The following RAB3GAP1 variants were observed in gnomAD, a reference collection of about 807,000 sequenced individuals.
The protein encoded by RAB3GAP1 is rab3 GTPase-activating protein catalytic subunit.
RAB3GAP1 carries 86 observed loss-of-function variants against 130.7 expected under a neutral mutation model. That is an observed-to-expected ratio of 0.66 (90% CI 0.55 to 0.79). The LOEUF (loss-of-function observed/expected upper bound fraction) is 0.79, where lower values mean the gene tolerates loss of function less well. Among genes scored for constraint, RAB3GAP1 ranks in the 30% least tolerant of loss-of-function variants. RAB3GAP1 has a pLI of 0.00. For missense variants in RAB3GAP1, 1,029 were observed against 1,169.4 expected (o/e 0.88, Z 1.75); for synonymous variants, 367 against 401.7 (o/e 0.91, Z 1.03).
At chr2:135,059,332 C>T (rs1024695514) in intron 3 of RAB3GAP1, among the ~76,000 whole-genome samples, 3 of 151,876 alleles carry the variant, frequency 2.0e-5, no homozygotes, top group Non-Finnish European at 2.9e-5. Context: ...AGAGCTAAAC[C>T]GGGTACTTAT....
rs559031602 is a variant in RAB3GAP1 at position 135,078,306 on chromosome 2, A to G, written c.151-12692A>G. Among the ~76,000 whole-genome samples the G allele has an allele frequency of 5.9e-5, 9 of 152,286 alleles. No homozygotes were observed. The South Asian group carries it at 1.9e-3, about 32-fold the overall frequency. ...GTAGAAAGGGTCTCTTGACCTTACT[A>G]TGATAAATTTATAATTCTCTATTTT... On this transcript the variant is annotated intron_variant, in intron 3 of 23. Transcript: ENST00000264158.
At chr2:135,126,337 TTTA>T (rs1691347797) in intron 10 of RAB3GAP1, 88 bp downstream of exon 10, 1 of 1,107,896 alleles carries the variant, frequency 9.0e-7, no homozygotes, top group South Asian at 1.4e-5. Flanking sequence ...ATATGCATTT[TTTA>T]TTATTTTGTT....
intron 3 of RAB3GAP1, among the ~76,000 whole-genome samples, chr2:135,080,000 C>T (rs1689744780): frequency 6.6e-6 from 1 of 151,862 alleles, no homozygotes; most frequent in South Asian, 2.1e-4. Context: ...GCCTGTAGTC[C>T]CAGCTACTCG....
intron 7 of RAB3GAP1, 113 bp from the exon 8 acceptor site, chr2:135,120,706 A>G: frequency 2.5e-6 from 2 of 808,312 alleles, no homozygotes; most frequent in Non-Finnish European, 4.4e-6. Flanking sequence ...CTGAAAATCC[A>G]GGTTTCATAA....
intron 5 of RAB3GAP1, among the ~76,000 whole-genome samples, chr2:135,110,279 G>A (rs375514161): frequency 3.3e-5 from 5 of 151,882 alleles, no homozygotes; most frequent in South Asian, 2.1e-4. Flanking sequence ...GACTACAGGC[G>A]CTCTCCACCA....
intron 17 of RAB3GAP1, among the ~76,000 whole-genome samples, chr2:135,138,729 C>T (rs1691752208): frequency 1.3e-5 from 2 of 151,836 alleles, no homozygotes; most frequent in South Asian, 2.1e-4. Context: ...TGACCTTAGC[C>T]TCCTAGGTAG....
intron 5 of RAB3GAP1, among the ~76,000 whole-genome samples, chr2:135,097,301 G>T (rs1177907053): frequency 6.6e-6 from 1 of 150,510 alleles, no homozygotes; most frequent in East Asian, 1.9e-4. Context: ...CTGTAGCCTT[G>T]AACTCCTGGG....
chr2:135,175,174 C>T (rs1692974227), downstream of RAB3GAP1, among the ~76,000 whole-genome samples: 1 of 152,208 alleles, frequency 6.6e-6, no homozygotes, highest in Non-Finnish European at 1.5e-5. Flanking sequence ...CTCCCTGCCA[C>T]CGAGGGACAT....
chr2:135,067,692 G>A (rs1055051471), intron 3 of RAB3GAP1, among the ~76,000 whole-genome samples: 1 of 152,148 alleles, frequency 6.6e-6, no homozygotes, highest in African/African-American at 2.4e-5. Context: ...CTCAGTTACT[G>A]TTAGTCATTA....
At chr2:135,120,789 CA>C in intron 7 of RAB3GAP1, 29 bp from the exon 8 acceptor site, 1 of 1,444,358 alleles carries the variant, frequency 6.9e-7, no homozygotes. Context: ...CCAGCATTTA[CA>C]CGGTATTGTC....
chr2:135,101,795 T>G (rs555470873), intron 5 of RAB3GAP1, among the ~76,000 whole-genome samples: 1 of 152,322 alleles, frequency 6.6e-6, no homozygotes, highest in East Asian at 1.9e-4. Context: ...ATACTTTTCT[T>G]TTTTTATTTT....
At chr2:135,090,359 G>A (rs1000384800) in intron 3 of RAB3GAP1, among the ~76,000 whole-genome samples, 4 of 152,094 alleles carry the variant, frequency 2.6e-5, no homozygotes, top group Admixed American at 2.6e-4. Context: ...TGCTTGGCTA[G>A]TTGCTTGGTT....
intron 15 of RAB3GAP1, 125 bp downstream of exon 15, chr2:135,134,158 G>C: frequency 9.1e-7 from 1 of 1,095,254 alleles, no homozygotes; most frequent in Non-Finnish European, 1.3e-6. Flanking sequence ...GCTTAGACAT[G>C]ATTTATGTTC....
chr2:135,096,651 AC>A (rs1313955997), intron 5 of RAB3GAP1, among the ~76,000 whole-genome samples: 1 of 152,210 alleles, frequency 6.6e-6, no homozygotes, highest in Non-Finnish European at 1.5e-5. Flanking sequence ...CATTAATTGA[AC>A]ACTTACTTAC....
intron 5 of RAB3GAP1, among the ~76,000 whole-genome samples, chr2:135,106,029 C>T (rs1402138798): frequency 1.4e-5 from 2 of 147,794 alleles, no homozygotes; most frequent in African/African-American, 5.0e-5. Flanking sequence ...GGAGCCCCTC[C>T]GCCCGGCAGC....
intron 19 of RAB3GAP1, among the ~76,000 whole-genome samples, chr2:135,159,213 A>T (rs1391923049): frequency 6.6e-6 from 1 of 152,214 alleles, no homozygotes; most frequent in Non-Finnish European, 1.5e-5. Context: ...ACCCTCAAGG[A>T]GGTGAAGCTA....
intron 17 of RAB3GAP1, among the ~76,000 whole-genome samples, chr2:135,149,333 CTATAATA>C (rs1247155232): frequency 6.6e-6 from 1 of 152,142 alleles, no homozygotes; most frequent in African/African-American, 2.4e-5. Flanking sequence ...AGTATGAAGC[CTATAATA>C]TAACCTAAGT....
In RAB3GAP1 at chr2:135,106,515, G is replaced by A. The variant is rs183735542; in HGVS notation, c.363-6636G>A. Among the ~76,000 whole-genome samples the A allele has an allele frequency of 2.1e-3, 324 of 152,180 alleles. 2 individuals are homozygous for A. The highest frequency in any genetic ancestry group is 7.3e-3 in the African/African-American group (304 of 41,528). ...ACTCAGGGTTAAATGGATTAAGGGCGGTGCAAGATGTGCTTTGTTTAACAG... is the reference window on the plus strand; with the variant it reads ...ACTCAGGGTTAAATGGATTAAGGGCAGTGCAAGATGTGCTTTGTTTAACAG... On this transcript the variant is annotated intron_variant, in intron 5 of 23. Transcript: ENST00000264158.
intron 18 of RAB3GAP1, 51 bp downstream of exon 18, chr2:135,150,557 G>A: frequency 6.2e-7 from 1 of 1,609,562 alleles, no homozygotes; most frequent in Non-Finnish European, 8.5e-7. Flanking sequence ...ATTCTGGGAT[G>A]AAACTGTGAA....
Sources: allele counts gnomAD v4.1 joint callset (sites outside exome capture counted in the v4.1 genomes callset), GRCh38; gene constraint gnomAD v4.1.1; transcripts MANE v1.5; gene names NCBI Gene and HGNC (gene_info 2026-07-23, HGNC 2026-07-21).